The following IMPG2 variants were observed in gnomAD, a reference collection of about 807,000 sequenced individuals.
The protein encoded by IMPG2 is interphotoreceptor matrix proteoglycan 2.
A neutral mutation model predicts 129.2 loss-of-function variants in IMPG2; 91 were observed. The observed-to-expected ratio is 0.70, with a 90% CI of 0.59 to 0.84. IMPG2 has a LOEUF of 0.84. Ranked by LOEUF, IMPG2 falls within the 40% of genes least tolerant of loss-of-function variation. IMPG2 has a pLI of 0.00. For synonymous variants in IMPG2, 510 were observed against 517.7 expected, an observed-to-expected ratio of 0.99 and a Z score of 0.20; for missense variants, 1,430 against 1,461.7, an observed-to-expected ratio of 0.98 and a Z score of 0.35.
chr3:101,256,702 C>G (rs1170427830), intron 10 of IMPG2, among the ~76,000 whole-genome samples: 1 of 152,126 alleles, frequency 6.6e-6, no homozygotes, highest in Non-Finnish European at 1.5e-5. Context: ...TTAGCATTGC[C>G]TCACATGAAG....
chr3:101,318,597 C>T (rs1009989477), intron 2 of IMPG2, among the ~76,000 whole-genome samples: 1 of 152,074 alleles, frequency 6.6e-6, no homozygotes, highest in African/African-American at 2.4e-5. Flanking sequence ...GCAGCTCAGA[C>T]AGAAGGTTCA....
At chr3:101,319,215 T>C (rs1319002177) in intron 2 of IMPG2, among the ~76,000 whole-genome samples, 2 of 152,146 alleles carry the variant, frequency 1.3e-5, no homozygotes, top group Non-Finnish European at 2.9e-5. Flanking sequence ...CCTCTCTGAA[T>C]ATGTTGTTGA....
intron 11 of IMPG2, among the ~76,000 whole-genome samples, chr3:101,250,209 G>C (rs1706529003): frequency 6.6e-6 from 1 of 152,166 alleles, no homozygotes; most frequent in Admixed American, 6.5e-5. Flanking sequence ...CATAAAGCTG[G>C]TTCATATTTC....
At chr3:101,296,634 G>T (rs1707082324) in intron 3 of IMPG2, among the ~76,000 whole-genome samples, 1 of 152,160 alleles carries the variant, frequency 6.6e-6, no homozygotes, top group Non-Finnish European at 1.5e-5. Flanking sequence ...GTTTCAGAAG[G>T]AATGGTACCA....
chr3:101,292,278 T>C (rs536222192), intron 3 of IMPG2, among the ~76,000 whole-genome samples: 3 of 152,200 alleles, frequency 2.0e-5, no homozygotes, highest in African/African-American at 7.2e-5. Flanking sequence ...GCCACTCTCA[T>C]GGTTTCAGTT....
In IMPG2 at chr3:101,226,460, A is replaced by G. The variant is rs1249367301; in HGVS notation, c.*509T>C. The G allele has an allele frequency of 6.6e-6, 1 of 152,172 alleles. No individual in the cohort carries two copies. Among genetic ancestry groups the G allele is most frequent in the Non-Finnish European group, 1.5e-5 (1 of 68,202 alleles). 9.4% of individuals were successfully genotyped at this position (152,172 alleles called of 1,614,324 possible). On this transcript the variant is annotated 3_prime_UTR_variant, in exon 19 of 19. Coordinates refer to ENST00000193391, the MANE Select transcript of IMPG2 (RefSeq NM_016247.4). ...CTTTAGCAGTTTGATCAAAAAAAAG[A>G]AAGAATTTTATTTAGATGAATGCCT...
At chr3:101,309,374 C>A (rs1034833003) in intron 2 of IMPG2, among the ~76,000 whole-genome samples, 1 of 152,154 alleles carries the variant, frequency 6.6e-6, no homozygotes, top group Non-Finnish European at 1.5e-5. Context: ...TTAAATTATT[C>A]ACAGTTCTGC....
rs1259058623 is a variant in IMPG2 at position 101,242,725 on chromosome 3, G to C, written c.2985C>G (p.Asn995Lys). ...CAAGAGAGTATTTATCAATAGCCAA[G>C]TTCATGGTATTGTAGGCAGTGGTAC... is the stretch of plus-strand genomic sequence containing the variant. ...DFCTTAYNTMNLAIDKYSLDV... is the reference protein window; with the variant it reads ...DFCTTAYNTMKLAIDKYSLDV... The change falls in exon 14 of 19, where the codon AAC becomes AAG. Residue 995 changes from asparagine (N) to lysine (K), a missense_variant. Transcript: ENST00000193391. The C allele has an allele frequency of 6.2e-7, 1 of 1,613,788 alleles. No homozygotes were observed. Among genetic ancestry groups the C allele is most frequent in the Non-Finnish European group, 8.5e-7 (1 of 1,179,826 alleles).
intron 14 of IMPG2, among the ~76,000 whole-genome samples, chr3:101,236,411 A>C (rs1322761362): frequency 2.0e-5 from 3 of 152,196 alleles, no homozygotes; most frequent in Non-Finnish European, 1.5e-5. Context: ...GTGGCTGCCA[A>C]GATGGCCAAA....
chr3:101,272,635 T>A (rs1706798220), intron 7 of IMPG2, among the ~76,000 whole-genome samples: 1 of 152,194 alleles, frequency 6.6e-6, no homozygotes, highest in Admixed American at 6.5e-5. Flanking sequence ...CTGGCCTGGC[T>A]GACATTTCTT....
chr3:101,265,581 G>A (rs1706713900), intron 9 of IMPG2, among the ~76,000 whole-genome samples: 1 of 151,980 alleles, frequency 6.6e-6, no homozygotes, highest in South Asian at 2.1e-4. Context: ...TGTCAGACTT[G>A]AAAAACTATT....
chr3:101,270,959 A>G (rs72932479), intron 7 of IMPG2, among the ~76,000 whole-genome samples: 4,845 of 152,242 alleles, frequency 0.032, 277 homozygotes, highest in African/African-American at 0.11. Flanking sequence ...ATCTCTGGGC[A>G]TCTGCTTTTA....
At chr3:101,314,544 A>G (rs932861166) in intron 2 of IMPG2, among the ~76,000 whole-genome samples, 1 of 152,106 alleles carries the variant, frequency 6.6e-6, no homozygotes, top group Non-Finnish European at 1.5e-5. Context: ...GGAAAATGCC[A>G]ACTCATTCTT....
intron 7 of IMPG2, 88 bp downstream of exon 7, chr3:101,273,493 C>A (rs1470654797): frequency 5.7e-6 from 8 of 1,407,086 alleles, no homozygotes; most frequent in Non-Finnish European, 6.9e-6. Flanking sequence ...CAATTTGAAA[C>A]CTAAACCTAT....
At chr3:101,233,162 GATC>G (rs986793408) in intron 14 of IMPG2, among the ~76,000 whole-genome samples, 171 bp from the exon 15 acceptor site, 4 of 152,070 alleles carry the variant, frequency 2.6e-5, no homozygotes, top group African/African-American at 9.7e-5. Context: ...ACTCATCATA[GATC>G]AATAAGCTTT....
chr3:101,271,534 T>G (rs1052445087), intron 7 of IMPG2, among the ~76,000 whole-genome samples: 12 of 152,186 alleles, frequency 7.9e-5, no homozygotes, highest in African/African-American at 2.9e-4. Flanking sequence ...ATTATTCCTG[T>G]TTTATGGATG....
At chr3:101,230,379 T>C (rs1202530093) in intron 16 of IMPG2, among the ~76,000 whole-genome samples, 3 of 152,228 alleles carry the variant, frequency 2.0e-5, no homozygotes, top group African/African-American at 7.2e-5. Context: ...ATTTCATTTA[T>C]TGACAGACCC....
chr3:101,248,615 T>C (rs1706510498), intron 11 of IMPG2, among the ~76,000 whole-genome samples: 1 of 152,202 alleles, frequency 6.6e-6, no homozygotes, highest in Admixed American at 6.5e-5. Context: ...TGTCCTACTT[T>C]GTCCCTTCCC....
At position 101,245,769 on chromosome 3, in the gene IMPG2, TAAG is replaced by T. The variant is rs1706469142; in HGVS notation, c.1543+30_1543+32del. 3 of 1,589,898 alleles carry T rather than the reference TAAG, an allele frequency of 1.9e-6. No homozygotes were observed. In the South Asian group the frequency reaches 3.3e-5, roughly 18 times the overall value. On this transcript the variant is annotated intron_variant, in intron 12 of 18. Coordinates refer to ENST00000193391, the MANE Select transcript of IMPG2 (RefSeq NM_016247.4). The stretch of plus-strand genomic sequence containing the variant: ...TTAAAACCCCTGTCATCGGATACAA[TAAG>T]AAGTACGAAAAGCAATTAAAGTTTC...
Sources: allele counts gnomAD v4.1 joint callset (sites outside exome capture counted in the v4.1 genomes callset), GRCh38; gene constraint gnomAD v4.1.1; transcripts MANE v1.5; gene names NCBI Gene and HGNC (gene_info 2026-07-23, HGNC 2026-07-21).